The following RIMS1 variants were observed in gnomAD, a reference collection of about 807,000 sequenced individuals.
RIMS1 encodes the protein regulating synaptic membrane exocytosis 1.
A neutral mutation model predicts 214.1 loss-of-function variants in RIMS1; 83 were observed. The ratio of observed to expected loss-of-function variants is 0.39; its 90% CI spans 0.32 to 0.47. The LOEUF (loss-of-function observed/expected upper bound fraction) is 0.47, where lower values mean the gene tolerates loss of function less well. RIMS1 is among the 20% of genes least tolerant of loss of function. RIMS1 has a pLI of 0.99. For synonymous variants in RIMS1, 793 were observed against 786.8 expected (o/e 1.01, Z -0.13); for missense variants, 2,050 against 2,161.8 (o/e 0.95, Z 1.03).
chr6:71,897,589 G>T (rs1178063119), intron 1 of RIMS1, among the ~76,000 whole-genome samples: 1 of 152,156 alleles, frequency 6.6e-6, no homozygotes, highest in African/African-American at 2.4e-5. Context: ...ATTAGCTCAA[G>T]TGACACCTTA....
chr6:72,021,902 A>G (rs1447897130), intron 2 of RIMS1, among the ~76,000 whole-genome samples: 1 of 152,174 alleles, frequency 6.6e-6, no homozygotes, highest in Non-Finnish European at 1.5e-5. Context: ...GAAGTTGTAC[A>G]TAGTACATTG....
At chr6:72,200,036 A>G (rs1396936873) in intron 6 of RIMS1, among the ~76,000 whole-genome samples, 1 of 152,094 alleles carries the variant, frequency 6.6e-6, no homozygotes. Flanking sequence ...TGCATGCATT[A>G]ATTTGATATC....
In RIMS1 at chr6:72,071,442, A is replaced by T. The variant is rs371474964; in HGVS notation, c.246-25507A>T. Among the ~76,000 whole-genome samples the T allele has an allele frequency of 1.3e-4, 20 of 152,274 alleles. No individual in the cohort carries two copies. In the East Asian group the frequency reaches 3.1e-3, roughly 24 times the overall value. Reference sequence around the variant, plus strand: ...AAGAAAGAAAACTTGGAGAAACAGTAAGTTAGATAAGATAGTCACAATCTA... The same window carrying T: ...AAGAAAGAAAACTTGGAGAAACAGTTAGTTAGATAAGATAGTCACAATCTA... On this transcript the variant is annotated intron_variant, in intron 2 of 33. Coordinates refer to ENST00000521978, the MANE Select transcript of RIMS1 (RefSeq NM_014989.7).
chr6:72,039,863 AT>A (rs1820939247), intron 2 of RIMS1, among the ~76,000 whole-genome samples: 1 of 152,082 alleles, frequency 6.6e-6, no homozygotes, highest in African/African-American at 2.4e-5. Flanking sequence ...CTTAAAAAAA[AT>A]GGTATAATTA....
intron 31 of RIMS1, among the ~76,000 whole-genome samples, chr6:72,393,622 G>A (rs2098736669): frequency 6.6e-6 from 1 of 152,058 alleles, no homozygotes; most frequent in African/African-American, 2.4e-5. Context: ...AGCTACTCGG[G>A]AGGCTGAGGC....
intron 1 of RIMS1, among the ~76,000 whole-genome samples, chr6:71,925,683 A>G (rs1370167692): frequency 6.6e-6 from 1 of 152,216 alleles, no homozygotes; most frequent in Admixed American, 6.5e-5. Context: ...CAAAGGTGCA[A>G]AATGGTCCAG....
chr6:71,967,960 C>T (rs1794891309), intron 1 of RIMS1, among the ~76,000 whole-genome samples: 1 of 152,148 alleles, frequency 6.6e-6, no homozygotes, highest in South Asian at 2.1e-4. Context: ...CAGTGATCCA[C>T]TTCTGGAATA....
intron 2 of RIMS1, among the ~76,000 whole-genome samples, chr6:72,027,140 A>G (rs1816756821): frequency 6.6e-6 from 1 of 152,050 alleles, no homozygotes; most frequent in South Asian, 2.1e-4. Context: ...GTGTAATGTG[A>G]CCCCTTAATT....
intron 23 of RIMS1, among the ~76,000 whole-genome samples, chr6:72,276,633 C>A (rs528387741): frequency 6.6e-6 from 1 of 151,756 alleles, no homozygotes; most frequent in African/African-American, 2.4e-5. Flanking sequence ...GTCCTATGTT[C>A]GACCAAAATA....
chr6:71,930,512 T>C (rs1175860223), intron 1 of RIMS1, among the ~76,000 whole-genome samples: 1 of 152,026 alleles, frequency 6.6e-6, no homozygotes, highest in Non-Finnish European at 1.5e-5. Context: ...GTCTATTACC[T>C]TGTTTTATAG....
intron 4 of RIMS1, among the ~76,000 whole-genome samples, chr6:72,117,800 C>A (rs147898294): frequency 6.6e-6 from 1 of 151,814 alleles, no homozygotes; most frequent in Non-Finnish European, 1.5e-5. Flanking sequence ...AAGTTCATAG[C>A]GTTAAATGCC....
intron 3 of RIMS1, among the ~76,000 whole-genome samples, chr6:72,098,385 C>T (rs547981721): frequency 3.8e-4 from 57 of 151,896 alleles, no homozygotes; most frequent in African/African-American, 1.3e-3. Context: ...ATCTCCACCT[C>T]CTGGATTCAA....
At chr6:72,262,877 G>A in intron 19 of RIMS1, 1 of 569,406 alleles carries the variant, frequency 1.8e-6, no homozygotes, top group Non-Finnish European at 2.2e-6. Context: ...GTAAACATAA[G>A]GAAAATAACA....
intron 1 of RIMS1, among the ~76,000 whole-genome samples, chr6:71,931,436 C>T (rs1783004557): frequency 1.3e-5 from 2 of 151,908 alleles, no homozygotes; most frequent in South Asian, 2.1e-4. Flanking sequence ...ATAATAATAA[C>T]AACAAATTCA....
intron 4 of RIMS1, among the ~76,000 whole-genome samples, chr6:72,160,597 C>T (rs2045240658): frequency 7.1e-6 from 1 of 140,306 alleles, no homozygotes; most frequent in African/African-American, 2.5e-5. Context: ...GCATGAAGGG[C>T]TGTTGAATTT....
intron 4 of RIMS1, among the ~76,000 whole-genome samples, chr6:72,138,666 C>CA (rs952355955): frequency 2.0e-5 from 3 of 151,606 alleles, no homozygotes; most frequent in Admixed American, 2.0e-4. Flanking sequence ...AATAATTCAA[C>CA]AAAAAAATAT....
At chr6:72,159,630 C>A (rs1244127025) in intron 4 of RIMS1, among the ~76,000 whole-genome samples, 1 of 140,614 alleles carries the variant, frequency 7.1e-6, no homozygotes, top group East Asian at 2.0e-4. Flanking sequence ...TTCCCAGCAC[C>A]ATTTATTAAA....
At chr6:72,056,871 A>T (rs547421023) in intron 2 of RIMS1, among the ~76,000 whole-genome samples, 83 of 152,202 alleles carry the variant, frequency 5.5e-4, no homozygotes, top group Non-Finnish European at 7.6e-4. Context: ...TATCTAAGAA[A>T]AGCTAATTTG....
At chr6:72,104,773 A>G (rs568939475) in intron 4 of RIMS1, among the ~76,000 whole-genome samples, 1 of 152,294 alleles carries the variant, frequency 6.6e-6, no homozygotes, top group East Asian at 1.9e-4. Context: ...GACAATTTTC[A>G]GATACTTTAA....
Sources: allele counts gnomAD v4.1 joint callset (sites outside exome capture counted in the v4.1 genomes callset), GRCh38; gene constraint gnomAD v4.1.1; transcripts MANE v1.5; gene names NCBI Gene and HGNC (gene_info 2026-07-23, HGNC 2026-07-21).